POC5: variants seen among roughly 807,000 people sequenced by gnomAD.
POC5 encodes centrosomal protein POC5.
A neutral mutation model predicts 62.9 loss-of-function variants in POC5; 48 were observed. That is an observed-to-expected ratio of 0.76 (90% CI 0.61 to 0.97). The LOEUF (loss-of-function observed/expected upper bound fraction) is 0.97, where lower values mean the gene tolerates loss of function less well. Ranked by LOEUF, POC5 falls within the 50% of genes least tolerant of loss-of-function variation. POC5 has a pLI of 0.00. For synonymous variants in POC5, 236 were observed against 228.2 expected (o/e 1.03, Z -0.31); for missense variants, 696 against 679.5 (o/e 1.02, Z -0.27).
In POC5 at chr5:75,685,304, G is replaced by A. The variant is rs377610817; in HGVS notation, c.1310C>T (p.Ser437Leu). 3.1e-5 allele frequency: 50 copies of A among 1,613,940 alleles called. No homozygotes were observed. The highest frequency in any genetic ancestry group is 2.2e-4 in the East Asian group (10 of 44,896). ...ASATAVPSAA[S>L]MTSTRAASAS... ...GGAAGCAGCCCTGGTAGAAGTCATC[G>A]AAGCAGCTGAGGGAACGGCAGTCGC... The change falls in exon 10 of 12, where the codon TCG (serine) becomes TTG (leucine). Residue 437 changes from serine (S) to leucine (L), a missense_variant. Coordinates refer to ENST00000428202, the MANE Select transcript of POC5 (RefSeq NM_001099271.2).
At chr5:75,710,823 C>T (rs1370551167) in intron 2 of POC5, among the ~76,000 whole-genome samples, 1 of 152,132 alleles carries the variant, frequency 6.6e-6, no homozygotes, top group African/African-American at 2.4e-5. Context: ...GCCAAGTCAG[C>T]TCTACTCAGA....
At chr5:75,703,195 T>TA (rs1776964450) in intron 4 of POC5, among the ~76,000 whole-genome samples, 1 of 152,178 alleles carries the variant, frequency 6.6e-6, no homozygotes, top group Non-Finnish European at 1.5e-5. Context: ...CATGCTACCC[T>TA]AAAAAATAGG....
chr5:75,700,072 T>C (rs1776801231), intron 5 of POC5, among the ~76,000 whole-genome samples: 1 of 151,690 alleles, frequency 6.6e-6, no homozygotes, highest in East Asian at 1.9e-4. Flanking sequence ...TAAAAGAGGA[T>C]ACAAACAAAT....
chr5:75,710,447 AG>A (rs568068429), intron 2 of POC5, among the ~76,000 whole-genome samples: 199 of 152,292 alleles, frequency 1.3e-3, no homozygotes, highest in Non-Finnish European at 2.6e-3. Context: ...AGGTTAAATA[AG>A]GTCATTGGTT....
Position 75,690,374 on chromosome 5 carries a change from G to C in POC5, c.975+9C>G. 1.3e-6 allele frequency: 2 copies of C among 1,593,708 alleles called. No homozygotes were observed. Among genetic ancestry groups the C allele is most frequent in the Non-Finnish European group, 1.7e-6 (2 of 1,171,830 alleles). On this transcript the variant is annotated intron_variant, in intron 8 of 11. Coordinates refer to ENST00000428202, the MANE Select transcript of POC5 (RefSeq NM_001099271.2). The stretch of plus-strand genomic sequence containing the variant: ...TAGAAGAAAGTGAAAACCAGAAAAA[G>C]ATGCTTACCATAGCAACTTTGGCTT...
At position 75,694,686 on chromosome 5, in the gene POC5, GT is replaced by G; in HGVS notation, c.658del (p.Thr220ProfsTer12). 1 of 1,573,902 alleles carries G rather than the reference GT, an allele frequency of 6.4e-7. No homozygotes were observed. Among genetic ancestry groups the G allele is most frequent in the Non-Finnish European group, 8.6e-7 (1 of 1,165,602 alleles). ...TTTTCTCCCAATGGAGATTTCAAAG[GT>G]TTTTTGCAGCTCCTTCAATTCATTG... ...QINELKELQKTFEISIGRKDE... is the reference protein window; with the variant it reads ...QINELKELQKXFEISIGRKDE... On this transcript the variant is annotated frameshift_variant, in exon 6 of 12. Transcript: ENST00000428202. LOFTEE classifies it high-confidence loss of function.
intron 5 of POC5, among the ~76,000 whole-genome samples, chr5:75,702,284 C>G (rs1299931282): frequency 1.3e-5 from 2 of 152,098 alleles, no homozygotes; most frequent in East Asian, 1.9e-4. Flanking sequence ...ACCTATGTAA[C>G]AAACCTGCAT....
At chr5:75,712,323 A>G (rs72768387) in intron 2 of POC5, 36,728 of 1,478,678 alleles carry the variant, frequency 0.025, 580 homozygotes, top group Middle Eastern at 0.055. Flanking sequence ...TTTAGAAATA[A>G]GAGAAATTTA....
Position 75,690,432 on chromosome 5 carries a change from T to TCGAA in POC5, c.925_926insTTCG (p.Glu309ValfsTer11). The TCGAA allele has an allele frequency of 6.2e-7, 1 of 1,612,526 alleles. No homozygotes were observed. Among genetic ancestry groups the TCGAA allele is most frequent in the Non-Finnish European group, 8.5e-7 (1 of 1,179,308 alleles). On this transcript the variant is annotated frameshift_variant, in exon 8 of 12. Coordinates refer to ENST00000428202, the MANE Select transcript of POC5 (RefSeq NM_001099271.2). LOFTEE classifies it high-confidence loss of function. The stretch of plus-strand genomic sequence containing the variant: ...ATTGGAAATCTGGATACAAACTTCT[T>TCGAA]CAGCTCTTGCTTGACAAGCTCTTTC...
At position 75,692,493 on chromosome 5, in the gene POC5, G is replaced by T. The variant is rs1446128697; in HGVS notation, c.698C>A (p.Ser233Tyr). 1.9e-6 allele frequency: 3 copies of T among 1,593,624 alleles called. No individual in the cohort carries two copies. Among genetic ancestry groups the T allele is most frequent in the Non-Finnish European group, 1.7e-6 (2 of 1,170,188 alleles). ...ISIGRKDEVI[S>Y]SLSHAIGKQK... ...CTTGCCTATGGCATGAGACAAGCTA[G>T]AAATCACCTGTAAACAGCAATTAAC... Residue 233 changes from serine to tyrosine, a missense_variant, in exon 7 of 12, where the codon TCT becomes TAT. Coordinates refer to ENST00000428202, the MANE Select transcript of POC5 (RefSeq NM_001099271.2).
In POC5 at chr5:75,685,409, T is replaced by C. The variant is rs1389539111; in HGVS notation, c.1205A>G (p.Asp402Gly). The part of the protein sequence containing the change: ...VQGKEHSAHL[D>G]PSAPPMPLPV... Reference sequence around the variant, plus strand: ...TAAGGGCATCGGAGGAGCTGAAGGATCCAAATGAGCAGAATGTTCTTTTCC... The same window carrying C: ...TAAGGGCATCGGAGGAGCTGAAGGACCCAAATGAGCAGAATGTTCTTTTCC... The change falls in exon 10 of 12, where the codon GAT becomes GGT. Residue 402 changes from aspartate (D) to glycine (G), a missense_variant. Asp to Gly is a moderately conservative substitution (Grantham distance 94). Coordinates refer to ENST00000428202, the MANE Select transcript of POC5 (RefSeq NM_001099271.2). 6.2e-7 allele frequency: 1 copy of C among 1,613,926 alleles called. No homozygotes were observed. The highest frequency in any genetic ancestry group is 1.1e-5 in the South Asian group (1 of 91,082).
intron 11 of POC5, among the ~76,000 whole-genome samples, chr5:75,676,904 C>T (rs1775686610): frequency 6.6e-6 from 1 of 151,766 alleles, no homozygotes; most frequent in Non-Finnish European, 1.5e-5. Context: ...GTTCTTATCA[C>T]TCTTATTATA....
intron 5 of POC5, among the ~76,000 whole-genome samples, chr5:75,701,393 A>G (rs1776872990): frequency 1.5e-5 from 2 of 131,652 alleles, no homozygotes; most frequent in African/African-American, 2.7e-5. Context: ...TGCAGCCATA[A>G]AAAATGATGA....
intron 10 of POC5, among the ~76,000 whole-genome samples, chr5:75,681,789 A>C (rs1775876044): frequency 6.6e-6 from 1 of 152,120 alleles, no homozygotes; most frequent in Non-Finnish European, 1.5e-5. Context: ...GAATGTTCAT[A>C]GGAAGCCTCT....
At position 75,707,872 on chromosome 5, in the gene POC5, CT is replaced by C; in HGVS notation, c.87del (p.Glu30AsnfsTer10). On this transcript the variant is annotated frameshift_variant and splice_region_variant, in exon 3 of 12. Transcript: ENST00000428202. LOFTEE classifies it high-confidence loss of function. Reference sequence around the variant, plus strand: ...GCATAATGAAGCAGTTCTTCATATTCTTCCTAAGAGAGGCCAATAATCAATA... The same window carrying C: ...GCATAATGAAGCAGTTCTTCATATTCTCCTAAGAGAGGCCAATAATCAATA... ...RGSSVSSNLQ[E>X]EYEELLHYAI... is the part of the protein sequence containing the mutation. 6.3e-7 allele frequency: 1 copy of C among 1,582,008 alleles called. No homozygotes were observed. Among genetic ancestry groups the C allele is most frequent in the Non-Finnish European group, 8.6e-7 (1 of 1,158,496 alleles).
At chr5:75,715,309 CAAA>C (rs922297009) in intron 1 of POC5, among the ~76,000 whole-genome samples, 4 of 59,328 alleles carry the variant, frequency 6.7e-5, no homozygotes, top group African/African-American at 1.9e-4. Context: ...GACTCCGTCT[CAAA>C]AAAAAAAAAA....
chr5:75,712,592 G>C (rs1580067376), intron 2 of POC5: 1 of 866,890 alleles, frequency 1.2e-6, no homozygotes, highest in Non-Finnish European at 1.8e-6. Flanking sequence ...AATGTTTCTT[G>C]AACATTTGTT....
intron 5 of POC5, among the ~76,000 whole-genome samples, chr5:75,701,217 G>A (rs368411048): frequency 1.4e-5 from 2 of 142,260 alleles, no homozygotes; most frequent in South Asian, 2.4e-4. Flanking sequence ...ATCCCATTAC[G>A]GGGTATATAC....
At chr5:75,695,864 G>A (rs187914706) in intron 5 of POC5, among the ~76,000 whole-genome samples, 59 of 152,266 alleles carry the variant, frequency 3.9e-4, no homozygotes, top group Non-Finnish European at 5.6e-4. Context: ...TGCACCGTGC[G>A]CGAGGTGAAG....
Sources: gnomAD v4.1 joint callset for allele counts (sites outside exome capture counted in the v4.1 genomes callset) on GRCh38, gnomAD v4.1.1 for gene constraint, MANE v1.5 for transcripts, NCBI Gene and HGNC (gene_info 2026-07-23, HGNC 2026-07-21) for gene names.